SKAP2: variants seen among roughly 807,000 people sequenced by gnomAD.
The protein encoded by SKAP2 is src kinase associated phosphoprotein 2, also known as src kinase-associated phosphoprotein 2.
In SKAP2, 28 loss-of-function variants were observed where a neutral mutation model predicts 54.9. The observed-to-expected ratio is 0.51, with a 90% CI of 0.38 to 0.70. SKAP2 has a LOEUF of 0.70. Among genes scored for constraint, SKAP2 ranks in the 30% least tolerant of loss-of-function variants. The pLI, the probability that SKAP2 is intolerant of heterozygous loss-of-function variation, is 0.00. For synonymous variants in SKAP2, 137 were observed against 134.3 expected, an observed-to-expected ratio of 1.02 and a Z score of -0.14; for missense variants, 356 against 424.1, an observed-to-expected ratio of 0.84 and a Z score of 1.41.
At chr7:26,675,421 C>A (rs1321572573) in intron 11 of SKAP2, among the ~76,000 whole-genome samples, 1 of 152,162 alleles carries the variant, frequency 6.6e-6, no homozygotes, top group Non-Finnish European at 1.5e-5. Flanking sequence ...ATATTTATAT[C>A]TCTCATTTCA....
At chr7:26,798,538 G>A (rs1271401894) in intron 4 of SKAP2, among the ~76,000 whole-genome samples, 1 of 151,998 alleles carries the variant, frequency 6.6e-6, no homozygotes, top group African/African-American at 2.4e-5. Context: ...AGAAAGAAAA[G>A]GACATTAATG....
chr7:26,836,358 T>C lies in SKAP2; in HGVS notation c.307+7672A>G, dbSNP rs547677075. On this transcript the variant is annotated intron_variant, in intron 4 of 12. Coordinates refer to ENST00000345317, the MANE Select transcript of SKAP2 (RefSeq NM_003930.5). ...ATTGACAAATGCAACCTAATTAAAC[T>C]AAAGAGCTTCTGCACAGCAAAAGAA... 7.8e-4 allele frequency among the ~76,000 whole-genome samples: 118 copies of C among 152,198 alleles called. 1 individual carries two copies. Among genetic ancestry groups the C allele is most frequent in the African/African-American group, 2.7e-3 (114 of 41,520 alleles).
chr7:26,734,947 C>T, intron 6 of SKAP2, among the ~76,000 whole-genome samples: 1 of 152,188 alleles, frequency 6.6e-6, no homozygotes, highest in East Asian at 1.9e-4. Context: ...CTCATTCTTT[C>T]AGGCCCAATG....
intron 5 of SKAP2, among the ~76,000 whole-genome samples, chr7:26,739,212 T>A (rs917547727): frequency 6.6e-6 from 1 of 152,206 alleles, no homozygotes; most frequent in African/African-American, 2.4e-5. Context: ...GGGGAGGAGC[T>A]AACCTAGATT....
intron 4 of SKAP2, among the ~76,000 whole-genome samples, chr7:26,808,646 TA>T (rs57210622): frequency 1.1e-3 from 166 of 150,876 alleles, no homozygotes; most frequent in African/African-American, 3.6e-3. Context: ...TTTACCATAA[TA>T]AAAAAAAAGG....
At chr7:26,776,952 A>C (rs1222545660) in intron 4 of SKAP2, among the ~76,000 whole-genome samples, 1 of 152,102 alleles carries the variant, frequency 6.6e-6, no homozygotes, top group Non-Finnish European at 1.5e-5. Context: ...TCCAAACTAC[A>C]TGCCATTCCC....
At chr7:26,783,133 C>T (rs1318134648) in intron 4 of SKAP2, among the ~76,000 whole-genome samples, 2 of 152,098 alleles carry the variant, frequency 1.3e-5, no homozygotes, top group Admixed American at 6.5e-5. Flanking sequence ...TTTTAAATTC[C>T]CCCAAGTCAT....
intron 4 of SKAP2, among the ~76,000 whole-genome samples, chr7:26,789,822 T>C (rs927120251): frequency 1.3e-5 from 2 of 152,196 alleles, no homozygotes; most frequent in Admixed American, 6.5e-5. Context: ...AGCTATAAAT[T>C]GGCAGGTCTC....
intron 4 of SKAP2, among the ~76,000 whole-genome samples, chr7:26,831,063 C>A (rs1784584666): frequency 6.6e-6 from 1 of 152,106 alleles, no homozygotes; most frequent in East Asian, 1.9e-4. Flanking sequence ...TTTTTCCCCA[C>A]TTATTTTCAT....
chr7:26,786,326 C>T (rs925790226), intron 4 of SKAP2, among the ~76,000 whole-genome samples: 3 of 152,168 alleles, frequency 2.0e-5, no homozygotes, highest in Non-Finnish European at 4.4e-5. Flanking sequence ...GGTCTCTAAC[C>T]TCACAGAAAT....
In SKAP2 at chr7:26,738,828, T is replaced by C; in HGVS notation, c.436A>G (p.Lys146Glu). The C allele has an allele frequency of 1.2e-6, 2 of 1,606,158 alleles. No homozygotes were observed. Among genetic ancestry groups the C allele is most frequent in the Non-Finnish European group, 1.7e-6 (2 of 1,173,080 alleles). ...CTTCCATAATAATAGAATACCGTTT[T>C]ACTGAGAGCACACCACCGTTTCTGC... ...EWQKRWCALS[K>E]TVFYYYGSDK... Residue 146 changes from lysine to glutamate, a missense_variant, in exon 6 of 13, where the codon AAA becomes GAA. Transcript: ENST00000345317.
At chr7:26,833,388 A>T (rs1784637746) in intron 4 of SKAP2, among the ~76,000 whole-genome samples, 1 of 123,690 alleles carries the variant, frequency 8.1e-6, no homozygotes, top group African/African-American at 3.0e-5. Context: ...AAAGAGCAAG[A>T]CTCCGTCTCA....
chr7:26,664,824 G>C (rs1430448454), downstream of SKAP2, among the ~76,000 whole-genome samples: 2 of 151,730 alleles, frequency 1.3e-5, no homozygotes, highest in Non-Finnish European at 2.9e-5. Flanking sequence ...TTTGGGAGCA[G>C]TTTCTATATT....
chr7:26,711,443 GA>G (rs1316622382), intron 9 of SKAP2, among the ~76,000 whole-genome samples: 1 of 152,128 alleles, frequency 6.6e-6, no homozygotes, highest in Non-Finnish European at 1.5e-5. Flanking sequence ...CGACTTTGTG[GA>G]CAAAAAAATG....
intron 4 of SKAP2, among the ~76,000 whole-genome samples, chr7:26,745,040 T>C (rs1782533090): frequency 6.6e-6 from 1 of 152,172 alleles, no homozygotes; most frequent in East Asian, 1.9e-4. Context: ...TTGTTTAATC[T>C]AGACTTTATG....
intron 11 of SKAP2, among the ~76,000 whole-genome samples, chr7:26,684,410 G>C (rs1158861834): frequency 6.6e-6 from 1 of 152,104 alleles, no homozygotes; most frequent in Non-Finnish European, 1.5e-5. Context: ...GAAGAGGAAA[G>C]AAAAGCATAA....
intron 9 of SKAP2, among the ~76,000 whole-genome samples, chr7:26,722,224 T>C (rs1787593797): frequency 6.6e-6 from 1 of 152,184 alleles, no homozygotes; most frequent in African/African-American, 2.4e-5. Flanking sequence ...TACAAATTTA[T>C]TCCTATTCCT....
chr7:26,697,381 G>C (rs1030738270), intron 9 of SKAP2, among the ~76,000 whole-genome samples: 3 of 152,186 alleles, frequency 2.0e-5, no homozygotes, highest in Non-Finnish European at 4.4e-5. Flanking sequence ...TTGGTCAGAA[G>C]CGACTGTGAA....
chr7:26,802,027 A>G (rs959057396), intron 4 of SKAP2, among the ~76,000 whole-genome samples: 16 of 152,162 alleles, frequency 1.1e-4, no homozygotes, highest in African/African-American at 3.9e-4. Context: ...TGGAACCACA[A>G]AAGACTCAGA....
Sources: gnomAD v4.1 joint callset for allele counts (sites outside exome capture counted in the v4.1 genomes callset) on GRCh38, gnomAD v4.1.1 for gene constraint, MANE v1.5 for transcripts, NCBI Gene and HGNC (gene_info 2026-07-23, HGNC 2026-07-21) for gene names.